PTPRD: variants seen among roughly 807,000 people sequenced by gnomAD.
PTPRD encodes receptor-type tyrosine-protein phosphatase delta.
Under a neutral mutation model 214.5 loss-of-function variants are expected in PTPRD, and 34 were observed. The observed-to-expected ratio is 0.16, with a 90% CI of 0.12 to 0.21. PTPRD has a LOEUF of 0.21. Among genes scored for constraint, PTPRD ranks in the 10% least tolerant of loss-of-function variants. The pLI is 1.00. For missense variants in PTPRD, 2,545 were observed against 2,398.7 expected (o/e 1.06, Z -1.27); for synonymous variants, 1,128 against 845.7 (o/e 1.33, Z -5.79).
At chr9:9,769,297 CTA>C (rs916262251) in intron 5 of PTPRD, among the ~76,000 whole-genome samples, 8 of 128,876 alleles carry the variant, frequency 6.2e-5, no homozygotes, top group African/African-American at 2.3e-4. Context: ...ATTTTGTAAA[CTA>C]TGTTTTAACC....
chr9:9,112,068 G>A (rs1181401961), intron 10 of PTPRD, among the ~76,000 whole-genome samples: 3 of 152,070 alleles, frequency 2.0e-5, no homozygotes, highest in Non-Finnish European at 2.9e-5. Flanking sequence ...TTTTACTGCT[G>A]CCCCAACATC....
chr9:9,172,858 C>T (rs1288601012), intron 10 of PTPRD, among the ~76,000 whole-genome samples: 1 of 152,076 alleles, frequency 6.6e-6, no homozygotes, highest in East Asian at 1.9e-4. Context: ...ACTGTTTTTG[C>T]CCCATTTATT....
chr9:8,560,144 T>G lies in PTPRD; in HGVS notation c.353-31365A>C, dbSNP rs188573768. ...TAAGCTTGCCTCTATTCATATAACC[T>G]TAAAAGTAATCATTCTGCTTTTTGT... On this transcript the variant is annotated intron_variant, in intron 14 of 45. Transcript: ENST00000381196. Among the ~76,000 whole-genome samples, 8 of 152,298 alleles carry G rather than the reference T, an allele frequency of 5.3e-5. No homozygotes were observed. In the East Asian group the frequency reaches 1.5e-3, roughly 29 times the overall value.
intron 3 of PTPRD, among the ~76,000 whole-genome samples, chr9:10,178,162 T>C (rs981288495): frequency 6.6e-6 from 1 of 151,964 alleles, no homozygotes; most frequent in Non-Finnish European, 1.5e-5. Context: ...AGTTTCTAAG[T>C]TGTAAAAGAT....
chr9:10,219,599 A>G (rs1386809649), intron 3 of PTPRD, among the ~76,000 whole-genome samples: 1 of 151,898 alleles, frequency 6.6e-6, no homozygotes, highest in African/African-American at 2.4e-5. Flanking sequence ...AAAGCTTTTG[A>G]TAAAGGTTTC....
In PTPRD at chr9:10,509,154, C is replaced by T. The variant is rs1308723058; in HGVS notation, c.-600+103244G>A. Among the ~76,000 whole-genome samples the T allele has an allele frequency of 2.6e-5, 4 of 151,932 alleles. No individual in the cohort carries two copies. In the East Asian group the frequency reaches 7.8e-4, roughly 29 times the overall value. On this transcript the variant is annotated intron_variant, in intron 2 of 45. Transcript: ENST00000381196. ...TATTATATATGCAGGTAAACTTTGA[C>T]CTACTTATATGAAGATCCATAGGAG...
Position 8,500,765 on chromosome 9 carries a change from G to C in PTPRD, c.2117C>G (p.Thr706Ser), listed in dbSNP as rs2136947633. Residue 706 changes from threonine (T) to serine (S), a missense_variant, in exon 24 of 46, where the codon ACC becomes AGC. Physicochemically the swap from Thr to Ser is moderately conservative, Grantham distance 58. Coordinates refer to ENST00000381196, the MANE Select transcript of PTPRD (RefSeq NM_002839.4). ...CGGAGGCAACATACCATCTTCATTG[G>C]TTCGAATCAACACGGACAAGCTCTC... is the stretch of plus-strand genomic sequence containing the variant. ...GPESLSVLIR[T>S]NEDVPSGPPR... The C allele has an allele frequency of 2.5e-6, 4 of 1,613,970 alleles. No individual in the cohort carries two copies. The South Asian group carries it at 3.3e-5, about 13-fold the overall frequency.
intron 7 of PTPRD, among the ~76,000 whole-genome samples, chr9:9,724,720 T>A (rs1365050608): frequency 6.6e-6 from 1 of 152,174 alleles, no homozygotes; most frequent in Non-Finnish European, 1.5e-5. Context: ...TTGTAAGCAC[T>A]ACAAAAGTTG....
chr9:9,113,728 C>A (rs2099809377), intron 10 of PTPRD, among the ~76,000 whole-genome samples: 1 of 152,126 alleles, frequency 6.6e-6, no homozygotes, highest in Non-Finnish European at 1.5e-5. Context: ...CTTACTAGTG[C>A]TGCCAGGGTC....
intron 2 of PTPRD, among the ~76,000 whole-genome samples, chr9:10,431,504 C>T (rs1477712191): frequency 6.6e-6 from 1 of 151,862 alleles, no homozygotes; most frequent in African/African-American, 2.4e-5. Flanking sequence ...AGGCAACCTA[C>T]AAAATGGGAG....
At chr9:10,162,720 C>T (rs1388148821) in intron 3 of PTPRD, among the ~76,000 whole-genome samples, 6 of 144,080 alleles carry the variant, frequency 4.2e-5, no homozygotes, top group Non-Finnish European at 9.1e-5. Context: ...TATATATATA[C>T]ATATACATGT....
intron 2 of PTPRD, among the ~76,000 whole-genome samples, chr9:10,460,186 AC>A (rs2098948239): frequency 6.6e-6 from 1 of 152,064 alleles, no homozygotes. Context: ...GAGGTGAAAG[AC>A]CCGTAAACTG....
intron 5 of PTPRD, among the ~76,000 whole-genome samples, chr9:9,892,319 C>A (rs182413817): frequency 6.6e-6 from 1 of 152,074 alleles, no homozygotes; most frequent in East Asian, 1.9e-4. Context: ...AAGGAACAGT[C>A]CCCGCTGGCT....
intron 2 of PTPRD, among the ~76,000 whole-genome samples, chr9:10,370,402 T>C (rs2097586700): frequency 6.6e-6 from 1 of 152,040 alleles, no homozygotes; most frequent in African/African-American, 2.4e-5. Context: ...TATTTTCCTT[T>C]CTTGGGGCTA....
intron 11 of PTPRD, among the ~76,000 whole-genome samples, chr9:8,752,052 G>T (rs903645675): frequency 1.3e-5 from 2 of 152,098 alleles, no homozygotes; most frequent in Non-Finnish European, 2.9e-5. Flanking sequence ...CCTTCCACTT[G>T]CTGACCTGGG....
chr9:9,887,181 TAGAAAGCC>T (rs2071271423), intron 5 of PTPRD, among the ~76,000 whole-genome samples: 1 of 152,136 alleles, frequency 6.6e-6, no homozygotes, highest in Admixed American at 6.6e-5. Flanking sequence ...TTTTCTCAAT[TAGAAAGCC>T]TTCTGTCAAT....
chr9:9,557,415 A>G (rs1449606650), intron 8 of PTPRD, among the ~76,000 whole-genome samples: 1 of 152,234 alleles, frequency 6.6e-6, no homozygotes, highest in Non-Finnish European at 1.5e-5. Context: ...GCCCTGGAAG[A>G]AATTGAAGTA....
At chr9:10,597,690 G>A (rs991660024) in intron 2 of PTPRD, among the ~76,000 whole-genome samples, 1 of 151,776 alleles carries the variant, frequency 6.6e-6, no homozygotes, top group South Asian at 2.1e-4. Flanking sequence ...TCCACCAGAA[G>A]TCCCAGATTT....
chr9:8,359,122 AC>A (rs1449156882), intron 39 of PTPRD, among the ~76,000 whole-genome samples: 67,285 of 93,288 alleles, frequency 0.72, 30,047 homozygotes, highest in Non-Finnish European at 0.83. Context: ...AAAAAAAAAA[AC>A]AAAAAAAAAA....
Sources: gnomAD v4.1 joint callset for allele counts (sites outside exome capture counted in the v4.1 genomes callset) on GRCh38, gnomAD v4.1.1 for gene constraint, MANE v1.5 for transcripts, NCBI Gene and HGNC (gene_info 2026-07-23, HGNC 2026-07-21) for gene names.